PRKG1: variants seen among roughly 807,000 people sequenced by gnomAD.
The protein encoded by PRKG1 is cGMP-dependent protein kinase 1.
Under a neutral mutation model 88.1 loss-of-function variants are expected in PRKG1, and 35 were observed. The observed-to-expected ratio is 0.40, with a 90% CI of 0.30 to 0.53. The LOEUF (loss-of-function observed/expected upper bound fraction) is 0.53. Ranked by LOEUF, PRKG1 falls within the 20% of genes least tolerant of loss-of-function variation. PRKG1 has a pLI of 0.59. For missense variants in PRKG1, 540 were observed against 839.8 expected (o/e 0.64, Z 4.41); for synonymous variants, 303 against 292.5 (o/e 1.04, Z -0.37).
chr10:51,035,623 C>G (rs1843343270), intron 1 of PRKG1, among the ~76,000 whole-genome samples: 1 of 152,144 alleles, frequency 6.6e-6, no homozygotes, highest in African/African-American at 2.4e-5. Flanking sequence ...TAGCGCAATC[C>G]TTTATACACA....
At chr10:51,210,268 G>A (rs942895771) in intron 2 of PRKG1, among the ~76,000 whole-genome samples, 1 of 151,994 alleles carries the variant, frequency 6.6e-6, no homozygotes, top group Non-Finnish European at 1.5e-5. Context: ...TGAAACCAAC[G>A]AGAACAAAGA....
At chr10:51,161,076 A>T (rs2131988076) in intron 2 of PRKG1, among the ~76,000 whole-genome samples, 1 of 152,298 alleles carries the variant, frequency 6.6e-6, no homozygotes, top group African/African-American at 2.4e-5. Flanking sequence ...AGAATTCTTT[A>T]TAAATTGTCC....
intron 2 of PRKG1, among the ~76,000 whole-genome samples, chr10:51,204,272 T>C (rs1467145294): frequency 6.6e-6 from 1 of 152,190 alleles, no homozygotes; most frequent in East Asian, 1.9e-4. Context: ...TACTCTTCGG[T>C]ATTTCCTGAA....
chr10:52,233,784 G>A (rs990072459), intron 9 of PRKG1, among the ~76,000 whole-genome samples: 47 of 150,260 alleles, frequency 3.1e-4, no homozygotes, highest in Non-Finnish European at 4.9e-4. Context: ...CAAAGCAGCC[G>A]GGAAGCTCGA....
chr10:51,968,969 G>T (rs987354481), intron 5 of PRKG1, among the ~76,000 whole-genome samples: 3 of 151,982 alleles, frequency 2.0e-5, no homozygotes, highest in Non-Finnish European at 2.9e-5. Flanking sequence ...TAAAGTAGTG[G>T]TTTTTAAAGA....
chr10:51,698,400 G>T lies in PRKG1; in HGVS notation c.593-106185G>T, dbSNP rs535610984. On this transcript the variant is annotated intron_variant, in intron 3 of 17. Coordinates refer to ENST00000373980, the MANE Select transcript of PRKG1 (RefSeq NM_006258.4). ...ATTAGCAGTCTGGGATCTCCTAATG[G>T]CCCTCCCCTCATCTCATGTGAGGAA... 2.2e-5 allele frequency: 35 copies of T among 1,613,520 alleles called. No homozygotes were observed. The African/African-American group carries it at 2.8e-4, about 13-fold the overall frequency.
chr10:51,055,805 C>T (rs1017735858), intron 1 of PRKG1, among the ~76,000 whole-genome samples: 8 of 152,134 alleles, frequency 5.3e-5, no homozygotes, highest in South Asian at 2.1e-4. Flanking sequence ...CCATTTTCTT[C>T]TTCCAGCCCC....
chr10:51,107,661 A>C (rs1844871838), intron 1 of PRKG1, among the ~76,000 whole-genome samples: 1 of 151,750 alleles, frequency 6.6e-6, no homozygotes, highest in South Asian at 2.1e-4. Context: ...CCATATCTAC[A>C]AAAAACTGAA....
At position 52,139,078 on chromosome 10, in the gene PRKG1, A is replaced by G. The variant is rs534967163; in HGVS notation, c.1001+5173A>G. On this transcript the variant is annotated intron_variant, in intron 8 of 17. Transcript: ENST00000373980. ...TGGAGCCTAAGTATTAAAACTGGGT[A>G]TGTTTTAATAGATTTGGCATTAGAG... is the stretch of plus-strand genomic sequence containing the variant. 2.6e-5 allele frequency among the ~76,000 whole-genome samples: 4 copies of G among 152,206 alleles called. No homozygotes were observed. The East Asian group carries it at 7.7e-4, about 29-fold the overall frequency.
intron 1 of PRKG1, among the ~76,000 whole-genome samples, chr10:51,115,666 C>T (rs183350868): frequency 3.3e-5 from 5 of 151,268 alleles, no homozygotes; most frequent in East Asian, 2.0e-4. Context: ...GGTGAAACCC[C>T]GTCTCTATTA....
At chr10:52,089,804 C>CT (rs397846439) in intron 7 of PRKG1, among the ~76,000 whole-genome samples, 1,076 of 67,678 alleles carry the variant, frequency 0.016, 133 homozygotes, top group African/African-American at 0.05. Context: ...TTCTTTCCTT[C>CT]TTTTTTTTTT....
At chr10:51,730,143 T>C (rs138506665) in intron 3 of PRKG1, among the ~76,000 whole-genome samples, 162 of 152,264 alleles carry the variant, frequency 1.1e-3, no homozygotes, top group African/African-American at 3.8e-3. Flanking sequence ...AGTCTGAGAA[T>C]AGAAGTGTTT....
At chr10:52,126,186 G>T (rs1056416467) in intron 7 of PRKG1, among the ~76,000 whole-genome samples, 2 of 151,978 alleles carry the variant, frequency 1.3e-5, no homozygotes, top group African/African-American at 4.8e-5. Context: ...TGGTGGTGGG[G>T]CAGGGGAGGG....
intron 9 of PRKG1, among the ~76,000 whole-genome samples, chr10:52,220,181 A>G (rs1239998078): frequency 1.3e-5 from 2 of 152,180 alleles, no homozygotes; most frequent in East Asian, 1.9e-4. Flanking sequence ...AACTGAGGCT[A>G]CATTATGAAG....
At chr10:52,268,142 G>C (rs1841624373) in intron 10 of PRKG1, among the ~76,000 whole-genome samples, 1 of 152,066 alleles carries the variant, frequency 6.6e-6, no homozygotes, top group Non-Finnish European at 1.5e-5. Context: ...GCTCTAAGGA[G>C]CTCATGAGAT....
At chr10:51,801,741 C>A (rs1423589841) in intron 3 of PRKG1, among the ~76,000 whole-genome samples, 1 of 151,978 alleles carries the variant, frequency 6.6e-6, no homozygotes, top group Non-Finnish European at 1.5e-5. Flanking sequence ...TCTTGGTGTC[C>A]CCTAAATGAA....
intron 3 of PRKG1, among the ~76,000 whole-genome samples, chr10:51,761,160 T>A (rs1435141210): frequency 6.6e-6 from 1 of 152,184 alleles, no homozygotes; most frequent in Non-Finnish European, 1.5e-5. Context: ...TTTCACCAAT[T>A]ATCTCTTTGT....
chr10:51,078,130 T>C (rs1156387875), intron 1 of PRKG1, among the ~76,000 whole-genome samples: 4 of 152,230 alleles, frequency 2.6e-5, no homozygotes, highest in East Asian at 3.9e-4. Context: ...TTGGATTATA[T>C]AGACTTGAGT....
intron 5 of PRKG1, among the ~76,000 whole-genome samples, chr10:51,964,770 T>C (rs377146968): frequency 6.6e-5 from 10 of 152,154 alleles, no homozygotes; most frequent in East Asian, 3.9e-4. Context: ...CCCTCCAGTA[T>C]CACAGTCTTC....
Sources: gnomAD v4.1 joint callset for allele counts (sites outside exome capture counted in the v4.1 genomes callset) on GRCh38, gnomAD v4.1.1 for gene constraint, MANE v1.5 for transcripts, NCBI Gene and HGNC (gene_info 2026-07-23, HGNC 2026-07-21) for gene names.